THSD4: variants seen among roughly 807,000 people sequenced by gnomAD.
The protein encoded by THSD4 is thrombospondin type 1 domain containing 4.
In THSD4, 69 loss-of-function variants were observed where a neutral mutation model predicts 119.0. The observed-to-expected ratio is 0.58, with a 90% CI of 0.48 to 0.71. The LOEUF is 0.71. Among genes scored for constraint, THSD4 ranks in the 30% least tolerant of loss-of-function variants. The pLI is 0.00. For synonymous variants in THSD4, 524 were observed against 540.4 expected (o/e 0.97, Z 0.42); for missense variants, 1,393 against 1,391.1 (o/e 1.00, Z -0.02).
At chr15:71,291,003 G>C (rs1477287083) in intron 6 of THSD4, among the ~76,000 whole-genome samples, 1 of 150,396 alleles carries the variant, frequency 6.6e-6, no homozygotes, top group Non-Finnish European at 1.5e-5. Context: ...CCAGAGGCAA[G>C]TGTCTTCTGG....
At chr15:71,362,433 C>A (rs1056616380) in intron 6 of THSD4, among the ~76,000 whole-genome samples, 2 of 152,116 alleles carry the variant, frequency 1.3e-5, no homozygotes, top group Non-Finnish European at 2.9e-5. Flanking sequence ...CAAATCATTA[C>A]CACTACAAGC....
intron 6 of THSD4, among the ~76,000 whole-genome samples, chr15:71,367,310 T>C (rs2045978733): frequency 1.3e-5 from 2 of 152,224 alleles, no homozygotes; most frequent in South Asian, 2.1e-4. Context: ...ATTATTATTA[T>C]ACTTGAAGTT....
intron 7 of THSD4, among the ~76,000 whole-genome samples, chr15:71,502,465 A>T (rs1171950878): frequency 1.3e-5 from 2 of 152,204 alleles, no homozygotes; most frequent in African/African-American, 4.8e-5. Flanking sequence ...ACAATATTTT[A>T]TCCAAAAGCA....
intron 6 of THSD4, among the ~76,000 whole-genome samples, chr15:71,308,758 G>C (rs1250937282): frequency 6.6e-6 from 1 of 152,130 alleles, no homozygotes; most frequent in African/African-American, 2.4e-5. Context: ...ATATGCCTGG[G>C]AGTGGAAGTG....
chr15:71,503,015 G>A (rs111967128), intron 7 of THSD4, among the ~76,000 whole-genome samples: 118 of 152,328 alleles, frequency 7.7e-4, no homozygotes, highest in African/African-American at 2.8e-3. Context: ...GTTCAGCACA[G>A]CACAGCATAC....
chr15:71,275,191 C>T (rs2044576162), intron 6 of THSD4, among the ~76,000 whole-genome samples: 1 of 152,106 alleles, frequency 6.6e-6, no homozygotes, highest in African/African-American at 2.4e-5. Context: ...TACATAAGCA[C>T]AGCCCACCAA....
At chr15:71,584,723 T>C (rs1217032487) in intron 7 of THSD4, among the ~76,000 whole-genome samples, 1 of 152,230 alleles carries the variant, frequency 6.6e-6, no homozygotes, top group Admixed American at 6.5e-5. Flanking sequence ...TAATTATTGA[T>C]AGTTAAGAAC....
upstream of THSD4, chr15:71,111,041 G>C: frequency 2.4e-6 from 3 of 1,264,374 alleles, no homozygotes; most frequent in Non-Finnish European, 2.2e-6. Flanking sequence ...CCTCGGATCC[G>C]GGTGATGCCT....
chr15:71,502,714 T>C (rs901051446), intron 7 of THSD4, among the ~76,000 whole-genome samples: 2 of 152,190 alleles, frequency 1.3e-5, no homozygotes, highest in African/African-American at 2.4e-5. Context: ...ACATACTGAA[T>C]AGAAGCAGAA....
At chr15:71,341,010 C>G in intron 6 of THSD4, 1 of 647,692 alleles carries the variant, frequency 1.5e-6, no homozygotes, top group East Asian at 2.7e-5. Flanking sequence ...TAATGGTCTC[C>G]CCATTGTTTC....
intron 2 of THSD4, among the ~76,000 whole-genome samples, chr15:71,147,199 T>C (rs2040670652): frequency 6.6e-6 from 1 of 152,198 alleles, no homozygotes; most frequent in Non-Finnish European, 1.5e-5. Context: ...GCAGCACTTT[T>C]TGTTTTTGAA....
chr15:71,118,716 T>C (rs1053340055), intron 1 of THSD4, among the ~76,000 whole-genome samples: 1 of 152,238 alleles, frequency 6.6e-6, no homozygotes, highest in African/African-American at 2.4e-5. Context: ...TATGCGCAGA[T>C]ATAAAGGTTT....
At chr15:71,640,168 G>A (rs989936510) in intron 7 of THSD4, among the ~76,000 whole-genome samples, 22 of 152,070 alleles carry the variant, frequency 1.4e-4, no homozygotes, top group African/African-American at 5.3e-4. Flanking sequence ...CTGTAGCCTC[G>A]ACCTCTTGGG....
At chr15:71,114,058 C>T (rs1355317615), upstream of THSD4, among the ~76,000 whole-genome samples, 1 of 152,124 alleles carries the variant, frequency 6.6e-6, no homozygotes, top group Non-Finnish European at 1.5e-5. Context: ...AGGTGCCTCC[C>T]ATCAAAATCT....
At position 71,738,016 on chromosome 15, in the gene THSD4, G is replaced by C; in HGVS notation, c.1906+9G>C. The C allele has an allele frequency of 6.2e-7, 1 of 1,612,966 alleles. No homozygotes were observed. The highest frequency in any genetic ancestry group is 8.5e-7 in the Non-Finnish European group (1 of 1,179,280). ...CACGACCTGTGGGAAAGGTGAGCCT[G>C]TGTGGGGGACGGGTGGATCCCTGCA... is the stretch of plus-strand genomic sequence containing the variant. On this transcript the variant is annotated intron_variant, in intron 11 of 17. Transcript: ENST00000261862.
chr15:71,327,386 A>G (rs1252722203), intron 6 of THSD4, among the ~76,000 whole-genome samples: 1 of 152,146 alleles, frequency 6.6e-6, no homozygotes, highest in Non-Finnish European at 1.5e-5. Context: ...TCCCTTGGGA[A>G]GCCTTCCCTG....
intron 7 of THSD4, among the ~76,000 whole-genome samples, chr15:71,544,365 G>A (rs1359119453): frequency 2.0e-5 from 3 of 152,184 alleles, no homozygotes; most frequent in African/African-American, 7.2e-5. Flanking sequence ...TGGGCTCATA[G>A]TGCTCAACGA....
At chr15:71,396,577 A>G (rs1206137102) in intron 6 of THSD4, among the ~76,000 whole-genome samples, 1 of 152,174 alleles carries the variant, frequency 6.6e-6, no homozygotes. Context: ...ATACGTATCT[A>G]TTCTGTGTTT....
intron 8 of THSD4, among the ~76,000 whole-genome samples, chr15:71,713,358 G>A (rs1336105990): frequency 3.3e-5 from 5 of 152,170 alleles, no homozygotes; most frequent in Admixed American, 3.3e-4. Flanking sequence ...AGTATCCTCT[G>A]CAGGGCCCCA....
Sources: allele counts gnomAD v4.1 joint callset (sites outside exome capture counted in the v4.1 genomes callset), GRCh38; gene constraint gnomAD v4.1.1; transcripts MANE v1.5; gene names NCBI Gene and HGNC (gene_info 2026-07-23, HGNC 2026-07-21).